CADM2: variants seen among roughly 807,000 people sequenced by gnomAD.
The protein encoded by CADM2 is cell adhesion molecule 2, also known as immunoglobulin superfamily member 4D.
Under a neutral mutation model 49.8 loss-of-function variants are expected in CADM2, and 12 were observed. The ratio of observed to expected loss-of-function variants is 0.24; its 90% CI spans 0.15 to 0.39. The LOEUF is 0.39. Ranked by LOEUF, CADM2 falls within the 10% of genes least tolerant of loss-of-function variation. The pLI is 1.00. For missense variants in CADM2, 378 were observed against 492.3 expected (o/e 0.77, Z 2.20); for synonymous variants, 214 against 175.4 (o/e 1.22, Z -1.74).
chr3:85,121,359 GA>G (rs1216574706), intron 1 of CADM2, among the ~76,000 whole-genome samples: 1 of 152,142 alleles, frequency 6.6e-6, no homozygotes, highest in Non-Finnish European at 1.5e-5. Flanking sequence ...AACAGGAAAG[GA>G]AAAACCTAAG....
intron 3 of CADM2, among the ~76,000 whole-genome samples, chr3:85,866,395 A>T (rs1488415561): frequency 3.9e-5 from 6 of 152,064 alleles, no homozygotes; most frequent in African/African-American, 1.2e-4. Flanking sequence ...CACTGGCCTA[A>T]CTCCATATTC....
chr3:85,829,907 A>G (rs1269800812), intron 3 of CADM2, among the ~76,000 whole-genome samples: 1 of 151,824 alleles, frequency 6.6e-6, no homozygotes, highest in African/African-American at 2.4e-5. Context: ...TTCTTTATCC[A>G]TTTATCCATT....
intron 8 of CADM2, among the ~76,000 whole-genome samples, chr3:85,984,348 G>A (rs978467176): frequency 3.3e-5 from 5 of 150,844 alleles, no homozygotes; most frequent in African/African-American, 4.9e-5. Context: ...ATTTAATAAC[G>A]TTCTCATTTT....
chr3:85,379,295 T>A (rs903557113), intron 1 of CADM2, among the ~76,000 whole-genome samples: 1 of 152,054 alleles, frequency 6.6e-6, no homozygotes. Context: ...CCAAAACTTC[T>A]TTTTAAAGTA....
At chr3:85,184,307 T>A (rs566697033) in intron 1 of CADM2, among the ~76,000 whole-genome samples, 2 of 152,234 alleles carry the variant, frequency 1.3e-5, no homozygotes, top group Middle Eastern at 6.8e-3. Flanking sequence ...AGTAGGCAAC[T>A]CTTTTGGTAA....
At chr3:85,231,677 G>A (rs1325393024) in intron 1 of CADM2, among the ~76,000 whole-genome samples, 1 of 151,300 alleles carries the variant, frequency 6.6e-6, no homozygotes, top group Non-Finnish European at 1.5e-5. Flanking sequence ...CAAATAAGTG[G>A]GGTAGGGGGA....
intron 2 of CADM2, among the ~76,000 whole-genome samples, chr3:85,743,066 T>A (rs1408250448): frequency 1.3e-5 from 2 of 152,144 alleles, no homozygotes; most frequent in Non-Finnish European, 2.9e-5. Flanking sequence ...ATAACAATAA[T>A]AAAAGCCCCT....
In CADM2 at chr3:85,048,598, C is replaced by T. The variant is rs114220610; in HGVS notation, c.61+88930C>T. ...AGGACTTAAATTAGGACAATTTCAACGAGGAGTGAGAAACAAAACTCAAAA... is the reference window on the plus strand; with the variant it reads ...AGGACTTAAATTAGGACAATTTCAATGAGGAGTGAGAAACAAAACTCAAAA... On this transcript the variant is annotated intron_variant, in intron 1 of 9. Transcript: ENST00000383699. Among the ~76,000 whole-genome samples the T allele has an allele frequency of 4.9e-3, 753 of 152,122 alleles. 6 individuals carry two copies. The highest frequency in any genetic ancestry group is 0.017 in the African/African-American group (722 of 41,506).
At chr3:85,594,673 CAG>C in intron 1 of CADM2, among the ~76,000 whole-genome samples, 1 of 152,064 alleles carries the variant, frequency 6.6e-6, no homozygotes, top group South Asian at 2.1e-4. Flanking sequence ...TGCAAAAAGA[CAG>C]AGAGCATATG....
chr3:85,163,732 A>G (rs1305441208), intron 1 of CADM2, among the ~76,000 whole-genome samples: 1 of 152,096 alleles, frequency 6.6e-6, no homozygotes, highest in Non-Finnish European at 1.5e-5. Context: ...CTGTATTCAC[A>G]TGCTAGCATA....
chr3:86,040,110 A>G (rs1735676595), intron 8 of CADM2, among the ~76,000 whole-genome samples: 1 of 152,200 alleles, frequency 6.6e-6, no homozygotes, highest in African/African-American at 2.4e-5. Flanking sequence ...GACCAAAGGT[A>G]GAAAAAACCA....
At chr3:85,623,753 G>A (rs1342681055) in intron 1 of CADM2, among the ~76,000 whole-genome samples, 2 of 152,104 alleles carry the variant, frequency 1.3e-5, no homozygotes, top group Non-Finnish European at 2.9e-5. Context: ...TAATTTGTGA[G>A]ATGACATTTC....
At chr3:85,198,411 T>G (rs534554597) in intron 1 of CADM2, among the ~76,000 whole-genome samples, 70 of 151,794 alleles carry the variant, frequency 4.6e-4, no homozygotes, top group African/African-American at 1.6e-3. Context: ...TTTTTTTCAC[T>G]GTTTACAACC....
intron 1 of CADM2, among the ~76,000 whole-genome samples, chr3:85,075,933 G>T (rs2036924146): frequency 6.6e-6 from 1 of 151,812 alleles, no homozygotes; most frequent in Admixed American, 6.6e-5. Context: ...AAGGCATGTT[G>T]GAATGTACTT....
chr3:85,904,354 A>G (rs765658147), intron 5 of CADM2, among the ~76,000 whole-genome samples: 1 of 152,136 alleles, frequency 6.6e-6, no homozygotes, highest in Non-Finnish European at 1.5e-5. Context: ...CTTTGCAACC[A>G]AGAGTAATAA....
chr3:85,275,928 A>G (rs951862116), intron 1 of CADM2, among the ~76,000 whole-genome samples: 3 of 151,276 alleles, frequency 2.0e-5, no homozygotes, highest in African/African-American at 7.3e-5. Flanking sequence ...AGTATTATGT[A>G]AAAATGAGAA....
At chr3:85,989,952 C>CGGTG (rs1728557595) in intron 8 of CADM2, among the ~76,000 whole-genome samples, 6 of 104,108 alleles carry the variant, frequency 5.8e-5, no homozygotes, top group African/African-American at 3.1e-4. Context: ...GGGGAGGTTA[C>CGGTG]AGTGAGCTGA....
At chr3:86,058,354 T>C (rs1738239225) in intron 8 of CADM2, among the ~76,000 whole-genome samples, 1 of 152,174 alleles carries the variant, frequency 6.6e-6, no homozygotes, top group South Asian at 2.1e-4. Context: ...CTCATAAAAC[T>C]AACATTTGGA....
chr3:85,519,125 A>C (rs2060971803), intron 1 of CADM2, among the ~76,000 whole-genome samples: 1 of 152,118 alleles, frequency 6.6e-6, no homozygotes, highest in Non-Finnish European at 1.5e-5. Context: ...TAGTTTAGGC[A>C]GAGCATACAT....
Sources: allele counts gnomAD v4.1 joint callset (sites outside exome capture counted in the v4.1 genomes callset), GRCh38; gene constraint gnomAD v4.1.1; transcripts MANE v1.5; gene names NCBI Gene and HGNC (gene_info 2026-07-23, HGNC 2026-07-21).